DMD: variants seen among roughly 807,000 people sequenced by gnomAD.
The protein encoded by DMD is mutant dystrophin.
In DMD, 63 loss-of-function variants were observed where a neutral mutation model predicts 330.1. The ratio of observed to expected loss-of-function variants is 0.19; its 90% CI spans 0.16 to 0.24. DMD has a LOEUF of 0.24. Ranked by LOEUF, DMD falls within the 10% of genes least tolerant of loss-of-function variation. The probability of loss-of-function intolerance (pLI) is 1.00; values close to 1 mark genes in which losing one functional copy is unlikely to be tolerated. For missense variants in DMD, 3,344 were observed against 2,684.1 expected, an observed-to-expected ratio of 1.25 and a Z score of -5.43; for synonymous variants, 1,223 against 959.8, an observed-to-expected ratio of 1.27 and a Z score of -5.07.
intron 61 of DMD, among the ~76,000 whole-genome samples, chrX:31,341,884 C>CGT (rs1569529189): frequency 7.0e-5 from 5 of 70,968 alleles, no homozygotes; most frequent in Non-Finnish European, 1.4e-4. Context: ...CGCGTGCGTG[C>CGT]GCGCGCGCAC....
intron 43 of DMD, among the ~76,000 whole-genome samples, chrX:32,244,880 G>T (rs1603629033): frequency 1.4e-5 from 1 of 71,220 alleles, no homozygotes; most frequent in Non-Finnish European, 2.5e-5. Context: ...CAGATGAGTA[G>T]GTTGCGAAAA....
intron 55 of DMD, among the ~76,000 whole-genome samples, chrX:31,571,800 T>C (rs2075833950): frequency 9.0e-6 from 1 of 111,483 alleles, no homozygotes; most frequent in Non-Finnish European, 1.9e-5. Context: ...ATGACAGCAG[T>C]ATCCCCGCCC....
intron 50 of DMD, among the ~76,000 whole-genome samples, chrX:31,783,088 A>G (rs910785832): frequency 8.1e-5 from 9 of 111,681 alleles, no homozygotes; most frequent in African/African-American, 2.9e-4. Context: ...CAATTGCAAA[A>G]CTGATATCAG....
intron 1 of DMD, among the ~76,000 whole-genome samples, chrX:33,336,420 C>G (rs2054256053): frequency 9.0e-6 from 1 of 110,703 alleles, no homozygotes; most frequent in South Asian, 3.8e-4. Context: ...GTGTCTTCCC[C>G]TGCTCATCTT....
intron 7 of DMD, among the ~76,000 whole-genome samples, chrX:32,789,552 C>T (rs2075662378): frequency 8.9e-6 from 1 of 111,821 alleles, no homozygotes; most frequent in African/African-American, 3.3e-5. Flanking sequence ...CTTCCCCAAC[C>T]GATTTTATTG....
chrX:31,261,685 C>T lies in DMD; in HGVS notation c.9225-669G>A, dbSNP rs139193266. The T allele has an allele frequency of 0.011, 1,275 of 112,292 alleles. 12 individuals are homozygous for T. The highest frequency in any genetic ancestry group is 0.032 in the Admixed American group (339 of 10,579). 9.3% of individuals were successfully genotyped at this position (112,292 alleles called of 1,213,427 possible). ...TACTTGGGCCTGAATGAAGCATTCACAGCTGTCTTCCATTTCTTGAAGTGT... is the reference window on the plus strand; with the variant it reads ...TACTTGGGCCTGAATGAAGCATTCATAGCTGTCTTCCATTTCTTGAAGTGT... On this transcript the variant is annotated intron_variant, in intron 62 of 78. Coordinates refer to ENST00000357033, the MANE Select transcript of DMD (RefSeq NM_004006.3).
intron 11 of DMD, among the ~76,000 whole-genome samples, chrX:32,629,419 G>A (rs888728322): frequency 1.8e-5 from 2 of 111,465 alleles, no homozygotes; most frequent in Middle Eastern, 4.6e-3. Context: ...TTGGTCAAGT[G>A]TGTTTCTTGT....
intron 74 of DMD, among the ~76,000 whole-genome samples, chrX:31,156,761 A>C (rs755075513): frequency 8.9e-6 from 1 of 112,349 alleles, no homozygotes; most frequent in East Asian, 2.8e-4. Flanking sequence ...GATGTGCTAA[A>C]AACTTCCTAT....
chrX:33,176,559 A>AGTGTGT (rs67497965), intron 1 of DMD, among the ~76,000 whole-genome samples: 5,682 of 102,687 alleles, frequency 0.055, 127 homozygotes, highest in Non-Finnish European at 0.061. Context: ...CAAGCACAGA[A>AGTGTGT]GTGTGTGTGT....
intron 1 of DMD, among the ~76,000 whole-genome samples, chrX:33,234,307 C>T (rs1157878779): frequency 1.8e-5 from 2 of 111,404 alleles, no homozygotes; most frequent in African/African-American, 6.5e-5. Flanking sequence ...GAGCATGCAA[C>T]GGTTAGGATC....
chrX:32,261,488 G>C (rs904444095), intron 43 of DMD, among the ~76,000 whole-genome samples: 3 of 112,088 alleles, frequency 2.7e-5, no homozygotes, highest in Admixed American at 9.5e-5. Context: ...GACATTATAA[G>C]AAATAATGGT....
rs1318257848 is a variant in DMD at position 32,333,296 on chromosome X, A to T, written c.5922+8804T>A. On this transcript the variant is annotated intron_variant, in intron 41 of 78. Transcript: ENST00000357033. The stretch of plus-strand genomic sequence containing the variant: ...CTCTAAAGGGAATTTTATGCTAGTA[A>T]ACGGTTTCTGTGTGTCTGAAAAGAT... Among the ~76,000 whole-genome samples the T allele has an allele frequency of 2.7e-5, 3 of 111,659 alleles. No individual in the cohort carries two copies. The Admixed American group carries it at 2.9e-4, about 11-fold the overall frequency.
chrX:31,953,767 T>C (rs1032789477), intron 45 of DMD, among the ~76,000 whole-genome samples: 9 of 111,936 alleles, frequency 8.0e-5, no homozygotes, highest in African/African-American at 2.9e-4. Context: ...TATCTTTATT[T>C]TTGGATTAGT....
intron 45 of DMD, among the ~76,000 whole-genome samples, chrX:31,960,205 A>G (rs1249352620): frequency 9.0e-6 from 1 of 111,140 alleles, no homozygotes. Context: ...TAATAAGAAT[A>G]ACTTGCATAG....
At chrX:32,980,752 C>A (rs2092688232) in intron 2 of DMD, among the ~76,000 whole-genome samples, 1 of 111,841 alleles carries the variant, frequency 8.9e-6, no homozygotes, top group African/African-American at 3.2e-5. Context: ...ATTATTAAAT[C>A]TATTCCCCAC....
intron 44 of DMD, among the ~76,000 whole-genome samples, chrX:32,001,803 G>T (rs930534460): frequency 1.8e-5 from 2 of 111,390 alleles, no homozygotes; most frequent in Non-Finnish European, 3.8e-5. Flanking sequence ...CCGGAAAAAC[G>T]TGTGACCAAT....
chrX:32,705,842 G>T (rs1422712328), intron 7 of DMD, among the ~76,000 whole-genome samples: 1 of 110,575 alleles, frequency 9.0e-6, no homozygotes, highest in African/African-American at 3.3e-5. Flanking sequence ...TCTAGAACTA[G>T]AAATACCATT....
chrX:31,508,209 T>C (rs1030469552), intron 55 of DMD: 19 of 1,199,529 alleles, frequency 1.6e-5, no homozygotes, highest in Non-Finnish European at 1.9e-5. Flanking sequence ...GAATCTGACC[T>C]TTACATGGTA....
intron 1 of DMD, among the ~76,000 whole-genome samples, chrX:33,114,262 A>G: frequency 1.8e-5 from 2 of 108,287 alleles, no homozygotes; most frequent in South Asian, 8.3e-4. Context: ...GATGCCCACC[A>G]CCACGCCTGG....
Sources: allele counts gnomAD v4.1 joint callset (sites outside exome capture counted in the v4.1 genomes callset), GRCh38; gene constraint gnomAD v4.1.1; transcripts MANE v1.5; gene names NCBI Gene and HGNC (gene_info 2026-07-23, HGNC 2026-07-21).